TCF12: variants seen among roughly 807,000 people sequenced by gnomAD.
TCF12 encodes the protein DNA-binding protein HTF4.
In TCF12, 45 loss-of-function variants were observed where a neutral mutation model predicts 86.0. The observed-to-expected ratio is 0.52, with a 90% CI of 0.41 to 0.67. The LOEUF (loss-of-function observed/expected upper bound fraction) is 0.67. Ranked by LOEUF, TCF12 falls within the 30% of genes least tolerant of loss-of-function variation. The pLI is 0.00. For missense variants in TCF12, 881 were observed against 859.9 expected (o/e 1.02, Z -0.31); for synonymous variants, 330 against 299.6 (o/e 1.10, Z -1.05).
chr15:57,122,057 G>A (rs1355041712), intron 5 of TCF12, among the ~76,000 whole-genome samples: 1 of 133,452 alleles, frequency 7.5e-6, no homozygotes, highest in African/African-American at 2.9e-5. Context: ...TATTTAAAAT[G>A]TTTTCACTTT....
In TCF12 at chr15:57,261,761, T is replaced by TGCTTATATAG. The variant is rs1567007576; in HGVS notation, c.1468-332_1468-331insCTTATATAGG. Reference sequence around the variant, plus strand: ...TATTATATGAAATAGATTTTCAGATTGATTTATAATACGTAGTGCGTTGTG... The same window carrying TGCTTATATAG: ...TATTATATGAAATAGATTTTCAGATTGCTTATATAGGATTTATAATACGTAGTGCGTTGTG... On this transcript the variant is annotated intron_variant, in intron 16 of 20. Coordinates refer to ENST00000333725, the MANE Select transcript of TCF12 (RefSeq NM_207037.2). Among the ~76,000 whole-genome samples the TGCTTATATAG allele has an allele frequency of 2.8e-4, 4 of 14,264 alleles. No homozygotes were observed. In the African/African-American group the frequency reaches 3.3e-3, roughly 12 times the overall value. 9.4% of individuals were successfully genotyped at this position (14,264 alleles called of 152,430 possible).
intron 5 of TCF12, among the ~76,000 whole-genome samples, chr15:57,094,478 A>G (rs556751222): frequency 7.2e-4 from 110 of 152,312 alleles, no homozygotes; most frequent in African/African-American, 2.6e-3. Flanking sequence ...TCAACTTGAT[A>G]TGAGCTGAAG....
intron 18 of TCF12, among the ~76,000 whole-genome samples, chr15:57,263,618 G>A (rs1470649789): frequency 3.3e-5 from 5 of 151,090 alleles, no homozygotes; most frequent in African/African-American, 9.7e-5. Flanking sequence ...AGATAGATTT[G>A]ATCAATAAAT....
rs572085117 is a variant in TCF12 at position 57,106,342 on chromosome 15, C to G, written c.325+14451C>G. Among the ~76,000 whole-genome samples, 4 of 152,188 alleles carry G rather than the reference C, an allele frequency of 2.6e-5. No homozygotes were observed. The South Asian group carries it at 8.3e-4, about 32-fold the overall frequency. Reference sequence around the variant, plus strand: ...TGGTTACGTAAGATGGTAGGGGAAACTGGATGAAAAGTACATGGGAATTTT... The same window carrying G: ...TGGTTACGTAAGATGGTAGGGGAAAGTGGATGAAAAGTACATGGGAATTTT... On this transcript the variant is annotated intron_variant, in intron 5 of 20. Transcript: ENST00000333725.
At chr15:57,022,040 ATCTTT>A (rs1596161583) in intron 3 of TCF12, among the ~76,000 whole-genome samples, 1 of 150,420 alleles carries the variant, frequency 6.6e-6, no homozygotes, top group East Asian at 1.9e-4. Context: ...TGTCAGGCAG[ATCTTT>A]TCTTTTTTTT....
chr15:57,050,529 GT>G (rs1321266549), intron 3 of TCF12, among the ~76,000 whole-genome samples: 1 of 152,020 alleles, frequency 6.6e-6, no homozygotes, highest in Non-Finnish European at 1.5e-5. Context: ...CATTGATGAG[GT>G]TTGCTTTGTA....
intron 3 of TCF12, among the ~76,000 whole-genome samples, chr15:56,955,501 T>C (rs1720528061): frequency 6.6e-6 from 1 of 152,040 alleles, no homozygotes; most frequent in Non-Finnish European, 1.5e-5. Flanking sequence ...TGTATACCTA[T>C]GTATCAAAGC....
intron 7 of TCF12, among the ~76,000 whole-genome samples, chr15:57,192,613 C>G (rs1414588391): frequency 2.0e-5 from 3 of 152,120 alleles, no homozygotes; most frequent in African/African-American, 7.2e-5. Context: ...CTCTCGAACT[C>G]CTGATCTCAA....
intron 4 of TCF12, among the ~76,000 whole-genome samples, chr15:57,064,812 A>AAGAG (rs1555495496): frequency 7.3e-5 from 9 of 123,456 alleles, no homozygotes; most frequent in East Asian, 4.5e-4. Flanking sequence ...AAAAAAAAAA[A>AAGAG]AGAGAGAGAG....
At chr15:57,212,452 A>G (rs1820484446) in intron 8 of TCF12, among the ~76,000 whole-genome samples, 1 of 151,848 alleles carries the variant, frequency 6.6e-6, no homozygotes, top group African/African-American at 2.4e-5. Flanking sequence ...TGAATTTTTT[A>G]ACTTTTTGTA....
chr15:57,082,820 C>G (rs1461183329), intron 4 of TCF12, among the ~76,000 whole-genome samples: 3 of 151,870 alleles, frequency 2.0e-5, no homozygotes, highest in African/African-American at 7.3e-5. Flanking sequence ...ATAATTGACC[C>G]CAAGAGAAAA....
rs546431056 is a variant in TCF12, at chr15:57,023,606, G to GT, written c.149-40136dup. ...TTAAGCAGATTGGATTCATAAAGAA[G>GT]TTTTTTTTATGAAAACCGAGGGAAT... is the stretch of plus-strand genomic sequence containing the variant. On this transcript the variant is annotated intron_variant, in intron 3 of 20. Coordinates refer to ENST00000333725, the MANE Select transcript of TCF12 (RefSeq NM_207037.2). Among the ~76,000 whole-genome samples, 235 of 152,040 alleles carry GT rather than the reference G, an allele frequency of 1.5e-3. 1 individual carries two copies. Among genetic ancestry groups the GT allele is most frequent in the Non-Finnish European group, 2.3e-3 (158 of 67,968 alleles).
intron 3 of TCF12, among the ~76,000 whole-genome samples, chr15:56,976,849 G>A (rs985409586): frequency 1.3e-5 from 2 of 152,056 alleles, no homozygotes; most frequent in Non-Finnish European, 2.9e-5. Flanking sequence ...GAGATTGTGG[G>A]ACACTGTATA....
At chr15:57,022,470 T>C (rs1261131919) in intron 3 of TCF12, among the ~76,000 whole-genome samples, 2 of 152,242 alleles carry the variant, frequency 1.3e-5, no homozygotes, top group Admixed American at 1.3e-4. Context: ...CTATCATTGA[T>C]GGACATTTGG....
chr15:57,078,172 C>A (rs138538782), intron 4 of TCF12, among the ~76,000 whole-genome samples: 2 of 152,076 alleles, frequency 1.3e-5, no homozygotes, highest in Non-Finnish European at 2.9e-5. Context: ...AATCTTAATG[C>A]GACTTCTGCC....
At chr15:57,090,399 A>G (rs1289244251) in intron 4 of TCF12, among the ~76,000 whole-genome samples, 1 of 152,198 alleles carries the variant, frequency 6.6e-6, no homozygotes, top group African/African-American at 2.4e-5. Context: ...ATTCTTCTTG[A>G]ATATCTATCA....
At chr15:57,036,303 G>A (rs1203019463) in intron 3 of TCF12, among the ~76,000 whole-genome samples, 1 of 152,094 alleles carries the variant, frequency 6.6e-6, no homozygotes, top group Non-Finnish European at 1.5e-5. Context: ...GAATAAAAGA[G>A]TTGGAGAAGA....
intron 5 of TCF12, among the ~76,000 whole-genome samples, chr15:57,101,370 A>G (rs1464448544): frequency 1.3e-5 from 2 of 151,994 alleles, no homozygotes; most frequent in South Asian, 2.1e-4. Context: ...ACACCCAACT[A>G]ATTTTTAAAA....
At chr15:57,258,753 A>G (rs971951495) in intron 16 of TCF12, among the ~76,000 whole-genome samples, 2 of 152,206 alleles carry the variant, frequency 1.3e-5, no homozygotes, top group Non-Finnish European at 2.9e-5. Flanking sequence ...GCTACCCTAT[A>G]TAATGATTTA....
Sources: allele counts gnomAD v4.1 joint callset (sites outside exome capture counted in the v4.1 genomes callset), GRCh38; gene constraint gnomAD v4.1.1; transcripts MANE v1.5; gene names NCBI Gene and HGNC (gene_info 2026-07-23, HGNC 2026-07-21).